The following PLXDC2 variants were observed in gnomAD, a reference collection of about 807,000 sequenced individuals.
PLXDC2 encodes plexin domain-containing protein 2.
PLXDC2 carries 40 observed loss-of-function variants against 68.9 expected under a neutral mutation model. The observed-to-expected ratio is 0.58, with a 90% confidence interval of 0.45 to 0.76. The LOEUF is 0.76. Among genes scored for constraint, PLXDC2 ranks in the 30% least tolerant of loss-of-function variants. The pLI is 0.00. For missense variants in PLXDC2, 644 were observed against 661.9 expected (o/e 0.97, Z 0.30); for synonymous variants, 243 against 234.2 (o/e 1.04, Z -0.34).
intron 13 of PLXDC2, among the ~76,000 whole-genome samples, chr10:20,263,700 G>A (rs1454826949): frequency 6.6e-6 from 1 of 152,062 alleles, no homozygotes; most frequent in African/African-American, 2.4e-5. Context: ...CATACATGCA[G>A]CCAAAAAGCA....
intron 2 of PLXDC2, among the ~76,000 whole-genome samples, chr10:20,009,291 T>A (rs544976641): frequency 6.6e-6 from 1 of 152,076 alleles, no homozygotes; most frequent in Admixed American, 6.5e-5. Flanking sequence ...TGTAGATTTT[T>A]GACATTTTTC....
chr10:20,065,279 G>C (rs1836185761), intron 3 of PLXDC2, among the ~76,000 whole-genome samples: 1 of 152,210 alleles, frequency 6.6e-6, no homozygotes, highest in African/African-American at 2.4e-5. Flanking sequence ...GGCTGGAGCA[G>C]AGAGTATGAG....
intron 1 of PLXDC2, among the ~76,000 whole-genome samples, chr10:19,955,200 A>ATTTT (rs11418538): frequency 7.5e-6 from 1 of 132,840 alleles, no homozygotes. Flanking sequence ...TCATTTTTCA[A>ATTTT]TTTTTTTTTT....
At chr10:20,022,333 G>T (rs1835326120) in intron 2 of PLXDC2, among the ~76,000 whole-genome samples, 1 of 152,128 alleles carries the variant, frequency 6.6e-6, no homozygotes, top group Admixed American at 6.6e-5. Flanking sequence ...TAGAAATAAA[G>T]TAAACAAATA....
intron 1 of PLXDC2, among the ~76,000 whole-genome samples, chr10:19,861,454 C>T (rs1366355758): frequency 2.0e-5 from 3 of 152,096 alleles, no homozygotes; most frequent in African/African-American, 7.2e-5. Flanking sequence ...TGCCACCCTC[C>T]TTGCTTAAAA....
chr10:20,153,998 A>G (rs1382018580), intron 6 of PLXDC2, among the ~76,000 whole-genome samples: 1 of 152,162 alleles, frequency 6.6e-6, no homozygotes, highest in South Asian at 2.1e-4. Flanking sequence ...GCCTATCCAC[A>G]GCATTTATCT....
At chr10:20,086,272 A>G (rs574457496) in intron 4 of PLXDC2, among the ~76,000 whole-genome samples, 2 of 152,182 alleles carry the variant, frequency 1.3e-5, no homozygotes, top group African/African-American at 4.8e-5. Context: ...GAATCCTCCC[A>G]TCTCAGCCAC....
intron 2 of PLXDC2, among the ~76,000 whole-genome samples, chr10:20,037,562 G>T (rs913444437): frequency 6.6e-6 from 1 of 151,838 alleles, no homozygotes; most frequent in East Asian, 1.9e-4. Flanking sequence ...TTCAAGGTTT[G>T]TACCAGGGAG....
At chr10:19,876,332 G>T (rs756027399) in intron 1 of PLXDC2, among the ~76,000 whole-genome samples, 2 of 152,210 alleles carry the variant, frequency 1.3e-5, no homozygotes, top group Middle Eastern at 6.8e-3. Flanking sequence ...CAGCTTGATT[G>T]TGGTGAAATG....
At chr10:20,101,171 A>G (rs1278325304) in intron 4 of PLXDC2, among the ~76,000 whole-genome samples, 1 of 152,196 alleles carries the variant, frequency 6.6e-6, no homozygotes, top group Admixed American at 6.5e-5. Context: ...ATGTGTGAGT[A>G]TAAAGATTTG....
intron 4 of PLXDC2, among the ~76,000 whole-genome samples, chr10:20,139,687 A>T (rs1221060006): frequency 6.6e-6 from 1 of 152,192 alleles, no homozygotes; most frequent in Non-Finnish European, 1.5e-5. Context: ...AAAAAGGATG[A>T]GTTAACGTCC....
At chr10:20,255,191 G>GATAGAT (rs1554779054) in intron 13 of PLXDC2, among the ~76,000 whole-genome samples, 19 of 96,732 alleles carry the variant, frequency 2.0e-4, no homozygotes, top group Non-Finnish European at 4.5e-5. Flanking sequence ...ATAGGTGGAT[G>GATAGAT]GATAGATAGA....
chr10:19,926,208 A>G (rs1833535221), intron 1 of PLXDC2, among the ~76,000 whole-genome samples: 1 of 152,170 alleles, frequency 6.6e-6, no homozygotes, highest in African/African-American at 2.4e-5. Flanking sequence ...TGAATCTGTG[A>G]CTTTCTATCA....
chr10:19,879,327 T>C (rs994185382), intron 1 of PLXDC2, among the ~76,000 whole-genome samples: 14 of 152,152 alleles, frequency 9.2e-5, no homozygotes, highest in Non-Finnish European at 1.9e-4. Context: ...GCTGGGCACA[T>C]AGAATGTACT....
At chr10:20,013,182 A>G (rs1835146929) in intron 2 of PLXDC2, among the ~76,000 whole-genome samples, 2 of 152,172 alleles carry the variant, frequency 1.3e-5, no homozygotes, top group Admixed American at 6.5e-5. Context: ...CTATCTACCT[A>G]CATACCTACC....
intron 2 of PLXDC2, 70 bp downstream of exon 2, chr10:20,002,056 T>C: frequency 7.0e-7 from 1 of 1,433,202 alleles, no homozygotes; most frequent in Non-Finnish European, 9.5e-7. Context: ...AACTTTTATA[T>C]AGACATAAGT....
At chr10:19,839,256 A>G (rs1836859793) in intron 1 of PLXDC2, among the ~76,000 whole-genome samples, 1 of 152,080 alleles carries the variant, frequency 6.6e-6, no homozygotes, top group African/African-American at 2.4e-5. Flanking sequence ...AGGTCTAGAA[A>G]GCTTGTCCAA....
chr10:20,168,603 T>G (rs897920425), intron 7 of PLXDC2, among the ~76,000 whole-genome samples: 1 of 152,144 alleles, frequency 6.6e-6, no homozygotes, highest in Non-Finnish European at 1.5e-5. Context: ...GAAATCACTG[T>G]TTTTCATAAA....
At chr10:20,121,601 G>A (rs924358739) in intron 4 of PLXDC2, among the ~76,000 whole-genome samples, 1 of 152,214 alleles carries the variant, frequency 6.6e-6, no homozygotes, top group African/African-American at 2.4e-5. Context: ...AAAGCGAAGA[G>A]AGGCTGGGAT....
Sources: gnomAD v4.1 joint callset for allele counts (sites outside exome capture counted in the v4.1 genomes callset) on GRCh38, gnomAD v4.1.1 for gene constraint, MANE v1.5 for transcripts, NCBI Gene and HGNC (gene_info 2026-07-23, HGNC 2026-07-21) for gene names.